The following AIG1 variants were observed in gnomAD, a reference collection of about 807,000 sequenced individuals.
AIG1 encodes the protein androgen induced 1, also known as androgen-induced gene 1 protein.
A neutral mutation model predicts 31.4 loss-of-function variants in AIG1; 23 were observed. The observed-to-expected ratio is 0.73, with a 90% CI of 0.53 to 1.04. The LOEUF (loss-of-function observed/expected upper bound fraction) is 1.04. AIG1 is among the 50% of genes least tolerant of loss of function. AIG1 has a pLI of 0.00. For synonymous variants in AIG1, 100 were observed against 110.5 expected (o/e 0.90, Z 0.60); for missense variants, 274 against 295.0 (o/e 0.93, Z 0.52).
At chr6:143,281,703 G>A (rs13205655) in intron 3 of AIG1, among the ~76,000 whole-genome samples, 30,974 of 152,016 alleles carry the variant, frequency 0.2, 3,429 homozygotes, top group Admixed American at 0.34. Flanking sequence ...TTGTTAATAC[G>A]TACTATGTAT....
intron 3 of AIG1, among the ~76,000 whole-genome samples, chr6:143,199,126 T>C (rs528283618): frequency 6.6e-6 from 1 of 152,238 alleles, no homozygotes; most frequent in Non-Finnish European, 1.5e-5. Context: ...TAAATTGCTT[T>C]AAAATAAGCT....
At chr6:143,121,903 A>C (rs1324994657) in intron 1 of AIG1, among the ~76,000 whole-genome samples, 1 of 152,226 alleles carries the variant, frequency 6.6e-6, no homozygotes, top group Non-Finnish European at 1.5e-5. Flanking sequence ...AAATTTAGTA[A>C]GCTTCCTAAT....
upstream of AIG1, chr6:143,060,562 C>T: frequency 2.7e-6 from 1 of 368,726 alleles, no homozygotes; most frequent in South Asian, 1.8e-5. Context: ...CCTCGTAGCA[C>T]TCAGAGGTCG....
rs1776677958 is a variant in AIG1, at chr6:143,327,198, A to G, written c.516-6084A>G. 6.1e-6 allele frequency: 1 copy of G among 164,826 alleles called. No homozygotes were observed. The highest frequency in any genetic ancestry group is 1.6e-4 in the South Asian group (1 of 6,136). The allele number at this position is 164,826 out of a possible 1,614,324, so 10.2% of individuals were successfully genotyped here. ...AAAAATCAACATATTAGAGAGATGT[A>G]AGGGGTAACCTTGATAAGACAAGCT... On this transcript the variant is annotated intron_variant, in intron 4 of 5. Coordinates refer to ENST00000357847, the MANE Select transcript of AIG1 (RefSeq NM_016108.4). This position sits in a 1 kb window ranked among gnomAD's most constrained non-coding sequence, Gnocchi z 5.3.
rs147393941 is a variant in AIG1 at position 143,172,101 on chromosome 6, T to C, written c.399+6918T>C. On this transcript the variant is annotated intron_variant, in intron 3 of 5. Transcript: ENST00000357847. ...GGATATTGGTCCTTTGTCAGAAGTA[T>C]AGATTGTGAAGATTTTCTCCCATTC... 2.6e-4 allele frequency among the ~76,000 whole-genome samples: 39 copies of C among 152,358 alleles called. No individual in the cohort carries two copies. In the East Asian group the frequency reaches 5.2e-3, roughly 20 times the overall value.
At chr6:143,158,661 C>G (rs988085048) in intron 2 of AIG1, among the ~76,000 whole-genome samples, 3 of 152,120 alleles carry the variant, frequency 2.0e-5, no homozygotes, top group Non-Finnish European at 4.4e-5. Flanking sequence ...GAGGGACGAG[C>G]TATCTCATAG....
At chr6:143,278,550 C>G (rs1328615380) in intron 3 of AIG1, among the ~76,000 whole-genome samples, 2 of 151,352 alleles carry the variant, frequency 1.3e-5, no homozygotes, top group African/African-American at 4.9e-5. Flanking sequence ...CTCACTGCAA[C>G]CTCTGCCTCC....
In AIG1 at chr6:143,338,298, C is replaced by T. The variant is rs1777660525; in HGVS notation, c.680-1341C>T. 3.1e-6 allele frequency: 1 copy of T among 324,332 alleles called. No individual in the cohort carries two copies. The highest frequency in any genetic ancestry group is 4.9e-5 in the Admixed American group (1 of 20,430). The allele number at this position is 324,332 out of a possible 1,614,324, so 20.1% of individuals were successfully genotyped here. The stretch of plus-strand genomic sequence containing the variant: ...TACCTTCTTGCCTTCAAACCTGTTC[C>T]TCCTCCCGTCAGATGTCCTTACTCC... On this transcript the variant is annotated intron_variant, in intron 5 of 5. Coordinates refer to ENST00000357847, the MANE Select transcript of AIG1 (RefSeq NM_016108.4). The surrounding 1 kb of genome is among the most constrained non-coding windows in gnomAD (Gnocchi z 4.3).
chr6:143,188,419 A>G (rs1177556210), intron 3 of AIG1: 2 of 985,338 alleles, frequency 2.0e-6, no homozygotes, highest in Non-Finnish European at 2.4e-6. Flanking sequence ...CAGGCTCTGG[A>G]TAACATGAAG....
chr6:143,311,697 T>G (rs1301237370), intron 4 of AIG1, among the ~76,000 whole-genome samples: 1 of 151,756 alleles, frequency 6.6e-6, no homozygotes, highest in African/African-American at 2.4e-5. Flanking sequence ...TATTAAAAAT[T>G]TATAGCTGGA....
intron 3 of AIG1, among the ~76,000 whole-genome samples, chr6:143,194,678 G>A (rs1790077571): frequency 6.6e-6 from 1 of 152,174 alleles, no homozygotes; most frequent in Non-Finnish European, 1.5e-5. Flanking sequence ...GTTTTTGGGA[G>A]TCCCCCAAGA....
chr6:143,144,864 T>C (rs1331381091), intron 2 of AIG1, among the ~76,000 whole-genome samples: 2 of 152,248 alleles, frequency 1.3e-5, no homozygotes, highest in Admixed American at 1.3e-4. Context: ...TGTGTTTCAT[T>C]TACTGCTTTA....
intron 3 of AIG1, among the ~76,000 whole-genome samples, chr6:143,191,504 A>T (rs1309101912): frequency 3.3e-5 from 5 of 152,128 alleles, no homozygotes; most frequent in Non-Finnish European, 7.4e-5. Flanking sequence ...TTAAAGTTTT[A>T]TTTTATTTTC....
intron 2 of AIG1, among the ~76,000 whole-genome samples, chr6:143,145,993 CAAA>C (rs1784668178): frequency 2.0e-5 from 3 of 152,140 alleles, no homozygotes; most frequent in African/African-American, 7.2e-5. Flanking sequence ...AAGTCCTTCT[CAAA>C]GAAAGATTTC....
At chr6:143,210,960 T>C (rs907860463) in intron 3 of AIG1, among the ~76,000 whole-genome samples, 3 of 152,222 alleles carry the variant, frequency 2.0e-5, no homozygotes, top group East Asian at 3.8e-4. Context: ...TATGAAGTTT[T>C]TTCCTCCTAA....
chr6:143,149,353 C>T (rs866792680), intron 2 of AIG1, among the ~76,000 whole-genome samples: 1 of 151,598 alleles, frequency 6.6e-6, no homozygotes, highest in Non-Finnish European at 1.5e-5. Flanking sequence ...GGTGAAACCC[C>T]GTCCCTACTA....
At chr6:143,321,588 TA>T (rs1007086118) in intron 4 of AIG1, among the ~76,000 whole-genome samples, 18 of 147,982 alleles carry the variant, frequency 1.2e-4, no homozygotes, top group East Asian at 4.0e-4. Flanking sequence ...GAAGACTGTA[TA>T]AAAAAAAAAT....
intron 4 of AIG1, among the ~76,000 whole-genome samples, chr6:143,313,700 G>A (rs1216717421): frequency 6.6e-6 from 1 of 151,992 alleles, no homozygotes; most frequent in African/African-American, 2.4e-5. Context: ...AGTATAACTG[G>A]AATGTTTGCA....
intron 1 of AIG1, among the ~76,000 whole-genome samples, chr6:143,071,428 T>A (rs1777247684): frequency 6.6e-6 from 1 of 152,244 alleles, no homozygotes; most frequent in Non-Finnish European, 1.5e-5. Context: ...CCATAAGTTT[T>A]TATTTCTCTG....
Sources: gnomAD v4.1 joint callset for allele counts (sites outside exome capture counted in the v4.1 genomes callset) on GRCh38, gnomAD v4.1.1 for gene constraint, Gnocchi (gnomAD v3.1) non-coding constraint, MANE v1.5 for transcripts, NCBI Gene and HGNC (gene_info 2026-07-23, HGNC 2026-07-21) for gene names.